CCSER1: variants seen among roughly 807,000 people sequenced by gnomAD.
CCSER1 encodes the protein coiled-coil serine rich protein 1, also known as serine-rich coiled-coil domain-containing protein 1.
A neutral mutation model predicts 82.0 loss-of-function variants in CCSER1; 41 were observed. That is an observed-to-expected ratio of 0.50 (90% CI 0.39 to 0.65). The LOEUF is 0.65. Among genes scored for constraint, CCSER1 ranks in the 30% least tolerant of loss-of-function variants. The probability of loss-of-function intolerance (pLI) is 0.00; values close to 1 mark genes in which losing one functional copy is unlikely to be tolerated. For missense variants in CCSER1, 1,119 were observed against 1,064.2 expected (o/e 1.05, Z -0.72); for synonymous variants, 414 against 383.9 (o/e 1.08, Z -0.92).
chr4:90,321,538 T>C (rs975368016), intron 3 of CCSER1, among the ~76,000 whole-genome samples: 2 of 152,188 alleles, frequency 1.3e-5, no homozygotes, highest in Admixed American at 1.3e-4. Flanking sequence ...AGTGCAGATA[T>C]CTCTTTGATA....
At chr4:91,121,590 T>G (rs1005728694) in intron 10 of CCSER1, among the ~76,000 whole-genome samples, 1 of 151,712 alleles carries the variant, frequency 6.6e-6, no homozygotes, top group Non-Finnish European at 1.5e-5. Flanking sequence ...TTGAATAACA[T>G]ATCTCTTCCA....
intron 8 of CCSER1, among the ~76,000 whole-genome samples, chr4:90,868,660 CAT>C (rs1438053798): frequency 6.6e-6 from 1 of 152,050 alleles, no homozygotes; most frequent in African/African-American, 2.4e-5. Flanking sequence ...CTGCAACAAA[CAT>C]AAAAATGGAG....
intron 10 of CCSER1, among the ~76,000 whole-genome samples, chr4:91,196,510 A>T (rs937254689): frequency 3.9e-5 from 6 of 152,208 alleles, no homozygotes; most frequent in Admixed American, 2.6e-4. Context: ...CAGGAAAAAG[A>T]TAATTAAATT....
intron 10 of CCSER1, among the ~76,000 whole-genome samples, chr4:91,585,801 T>A (rs1398398041): frequency 1.3e-5 from 2 of 151,324 alleles, no homozygotes; most frequent in Non-Finnish European, 3.0e-5. Context: ...AAAGAAAAAA[T>A]TGTCCTAGGA....
At chr4:90,170,738 A>G (rs1265449535) in intron 1 of CCSER1, among the ~76,000 whole-genome samples, 1 of 151,856 alleles carries the variant, frequency 6.6e-6, no homozygotes, top group African/African-American at 2.4e-5. Flanking sequence ...TCCATTGTAT[A>G]TATGTACTAT....
intron 10 of CCSER1, among the ~76,000 whole-genome samples, chr4:91,173,592 TC>T (rs1648974670): frequency 3.3e-5 from 1 of 30,244 alleles, no homozygotes; most frequent in African/African-American, 1.4e-4. Flanking sequence ...AGACTCCGTC[TC>T]AAAAAAAAAA....
At chr4:91,405,235 G>A (rs1163552718) in intron 10 of CCSER1, among the ~76,000 whole-genome samples, 2 of 139,590 alleles carry the variant, frequency 1.4e-5, no homozygotes, top group East Asian at 2.1e-4. Flanking sequence ...TTTTTTTTTT[G>A]TTTTCCATTT....
intron 10 of CCSER1, among the ~76,000 whole-genome samples, chr4:91,302,812 CTT>C (rs5860228): frequency 0.42 from 62,739 of 148,082 alleles, 13,209 homozygotes; most frequent in Middle Eastern, 0.55. Flanking sequence ...TCCCCTAGAT[CTT>C]TTTTTTTTTT....
chr4:90,549,494 A>G (rs1460061999), intron 5 of CCSER1, among the ~76,000 whole-genome samples: 1 of 152,182 alleles, frequency 6.6e-6, no homozygotes, highest in African/African-American at 2.4e-5. Context: ...CACTGTTTAA[A>G]TATGAGTCAG....
intron 5 of CCSER1, among the ~76,000 whole-genome samples, chr4:90,573,084 T>A (rs553892472): frequency 6.6e-6 from 1 of 152,218 alleles, no homozygotes; most frequent in Non-Finnish European, 1.5e-5. Context: ...GTGTGACTCC[T>A]GGGGTGGACT....
chr4:90,654,074 A>C (rs1729261827), intron 6 of CCSER1, among the ~76,000 whole-genome samples: 1 of 152,038 alleles, frequency 6.6e-6, no homozygotes, highest in South Asian at 2.1e-4. Context: ...AGCAAGGGGG[A>C]AATTTGCCCC....
chr4:90,188,841 GAA>G (rs1735109211), intron 1 of CCSER1, among the ~76,000 whole-genome samples: 1 of 151,926 alleles, frequency 6.6e-6, no homozygotes, highest in East Asian at 1.9e-4. Context: ...TCTTCAAAGA[GAA>G]GTGACCTGAG....
intron 10 of CCSER1, among the ~76,000 whole-genome samples, chr4:91,304,386 A>G (rs1744890312): frequency 6.6e-6 from 1 of 152,062 alleles, no homozygotes. Flanking sequence ...TTTCCTTTCT[A>G]TTGAGTTATT....
At position 91,043,291 on chromosome 4, in the gene CCSER1, C is replaced by G. The variant is rs190876331; in HGVS notation, c.2173-42659C>G. 3.4e-4 allele frequency among the ~76,000 whole-genome samples: 52 copies of G among 151,856 alleles called. 1 individual carries two copies. Among genetic ancestry groups the G allele is most frequent in the African/African-American group, 1.1e-3 (46 of 41,454 alleles). Reference sequence around the variant, plus strand: ...AATATCTTAAAAATCAATAATAAAACTCCCCAAATTATTCTTTAGAAGGTT... The same window carrying G: ...AATATCTTAAAAATCAATAATAAAAGTCCCCAAATTATTCTTTAGAAGGTT... On this transcript the variant is annotated intron_variant, in intron 9 of 10. Coordinates refer to ENST00000509176, the MANE Select transcript of CCSER1 (RefSeq NM_001145065.2).
At chr4:90,345,697 C>T (rs1182812894) in intron 3 of CCSER1, among the ~76,000 whole-genome samples, 6 of 152,142 alleles carry the variant, frequency 3.9e-5, no homozygotes, top group Middle Eastern at 3.4e-3. Context: ...CCATGAACAA[C>T]ACACATGGCC....
chr4:91,207,590 A>T (rs1199915051), intron 10 of CCSER1, among the ~76,000 whole-genome samples: 1 of 151,904 alleles, frequency 6.6e-6, no homozygotes, highest in Non-Finnish European at 1.5e-5. Flanking sequence ...AGAGTATTCC[A>T]TGGTGTATAT....
chr4:90,863,365 C>T (rs1765329899), intron 8 of CCSER1, among the ~76,000 whole-genome samples: 1 of 151,834 alleles, frequency 6.6e-6, no homozygotes. Flanking sequence ...TTCAAACAAA[C>T]ATTATTCACA....
At chr4:90,617,695 C>T (rs10003352) in intron 5 of CCSER1, among the ~76,000 whole-genome samples, 3 of 151,862 alleles carry the variant, frequency 2.0e-5, no homozygotes, top group Non-Finnish European at 4.4e-5. Context: ...TAGTATTTGT[C>T]TATGTTGGTG....
At chr4:91,096,098 G>C (rs1724482584) in intron 10 of CCSER1, among the ~76,000 whole-genome samples, 2 of 152,166 alleles carry the variant, frequency 1.3e-5, no homozygotes, top group Admixed American at 6.5e-5. Flanking sequence ...GGTCAGCAGA[G>C]GTGAAAGGGT....
Sources: gnomAD v4.1 joint callset for allele counts (sites outside exome capture counted in the v4.1 genomes callset) on GRCh38, gnomAD v4.1.1 for gene constraint, MANE v1.5 for transcripts, NCBI Gene and HGNC (gene_info 2026-07-23, HGNC 2026-07-21) for gene names.